Variants in REPS2 observed in about 807,000 individuals in gnomAD.
REPS2 encodes ralBP1-associated Eps domain-containing protein 2.
A neutral mutation model predicts 53.6 loss-of-function variants in REPS2; 23 were observed. That is an observed-to-expected ratio of 0.43 (90% CI 0.31 to 0.61). The LOEUF (loss-of-function observed/expected upper bound fraction) is 0.61. Among genes scored for constraint, REPS2 ranks in the 20% least tolerant of loss-of-function variants. The pLI, the probability that REPS2 is intolerant of heterozygous loss-of-function variation, is 0.11. For synonymous variants in REPS2, 238 were observed against 218.6 expected, an observed-to-expected ratio of 1.09 and a Z score of -0.78; for missense variants, 446 against 534.9, an observed-to-expected ratio of 0.83 and a Z score of 1.64.
intron 9 of REPS2, among the ~76,000 whole-genome samples, chrX:17,063,923 TACACACACACACACAC>T (rs3842475): frequency 1.0e-5 from 1 of 100,341 alleles, no homozygotes; most frequent in Admixed American, 1.1e-4. Context: ...GTTTTACTGT[TACACACACACACACAC>T]ACACACACAC....
chrX:17,163,499 GT>G, the REPS2 span, among the ~76,000 whole-genome samples: 1 of 111,525 alleles, frequency 9.0e-6, no homozygotes. Flanking sequence ...TGAATTCCAA[GT>G]TGGAAAAACT....
chrX:16,952,222 C>T (rs1055323019), intron 1 of REPS2, among the ~76,000 whole-genome samples: 9 of 111,290 alleles, frequency 8.1e-5, no homozygotes, highest in Non-Finnish European at 3.8e-5. Flanking sequence ...TGCTATCTCT[C>T]CCCTAGCCCT....
intron 16 of REPS2, chrX:17,136,800 T>G (rs2063373545): frequency 8.9e-6 from 1 of 111,744 alleles, no homozygotes; most frequent in African/African-American, 3.3e-5. Context: ...CCCCATTCTC[T>G]CCTTCCCCCT....
intron 2 of REPS2, among the ~76,000 whole-genome samples, chrX:17,011,764 C>A (rs969330562): frequency 9.1e-6 from 1 of 110,356 alleles, no homozygotes; most frequent in Non-Finnish European, 1.9e-5. Flanking sequence ...AAGTTCGAGA[C>A]CAGCCTGGCC....
chrX:17,038,693 C>T (rs1602756840), intron 5 of REPS2, among the ~76,000 whole-genome samples: 2 of 112,213 alleles, frequency 1.8e-5, no homozygotes, highest in Admixed American at 1.9e-4. Context: ...AGTGCTGGGA[C>T]TTATGCTGAC....
At chrX:17,019,862 A>G (rs1432998453) in intron 2 of REPS2, among the ~76,000 whole-genome samples, 1 of 112,113 alleles carries the variant, frequency 8.9e-6, no homozygotes, top group Non-Finnish European at 1.9e-5. Flanking sequence ...CTGAAAATTT[A>G]CAAACTACTT....
intron 1 of REPS2, among the ~76,000 whole-genome samples, chrX:16,974,085 C>G (rs2060926577): frequency 9.0e-6 from 1 of 111,456 alleles, no homozygotes; most frequent in African/African-American, 3.3e-5. Context: ...TGTACATAAG[C>G]ACACTGTTAT....
In REPS2 at chrX:17,149,712, A is replaced by T. The variant is rs900726809; in HGVS notation, c.*2231A>T. On this transcript the variant is annotated 3_prime_UTR_variant, in exon 18 of 18. Transcript: ENST00000357277. The stretch of plus-strand genomic sequence containing the variant: ...TTTATCTCATAATCTTCCAGTACAT[A>T]TGCTCTCAGTTGGGATAGCAGTTCA... 1.8e-5 allele frequency: 2 copies of T among 112,332 alleles called. No individual in the cohort carries two copies. Among genetic ancestry groups the T allele is most frequent in the Non-Finnish European group, 3.8e-5 (2 of 53,314 alleles). 9.3% of individuals were successfully genotyped at this position (112,332 alleles called of 1,213,427 possible). A position where few individuals can be genotyped will look rare whatever the true frequency, so the allele number is the denominator to read the frequency against.
chrX:17,108,299 G>A (rs919480135), intron 14 of REPS2, among the ~76,000 whole-genome samples: 1 of 109,097 alleles, frequency 9.2e-6, no homozygotes, highest in Non-Finnish European at 1.9e-5. Context: ...TCAGCCTTCC[G>A]AGTAGCTGGG....
At chrX:17,126,250 C>T (rs760654961) in intron 14 of REPS2, among the ~76,000 whole-genome samples, 4 of 111,286 alleles carry the variant, frequency 3.6e-5, no homozygotes, top group Non-Finnish European at 7.5e-5. Context: ...CTCATTCTCA[C>T]CCTGTCTCCA....
At chrX:16,952,729 C>G (rs2060529028) in intron 1 of REPS2, among the ~76,000 whole-genome samples, 1 of 112,138 alleles carries the variant, frequency 8.9e-6, no homozygotes, top group Admixed American at 9.5e-5. Context: ...TTAGGCAGAA[C>G]TATTTTTTAA....
At chrX:17,054,572 G>C (rs757738884) in intron 7 of REPS2, among the ~76,000 whole-genome samples, 1 of 111,877 alleles carries the variant, frequency 8.9e-6, no homozygotes, top group Non-Finnish European at 1.9e-5. Context: ...ACACCAACTA[G>C]GGAACCTGAA....
rs747090540 is a variant in REPS2, at chrX:17,135,331, A to G, written c.1733A>G (p.Glu578Gly). Residue 578 changes from glutamate (E) to glycine (G), a missense_variant, in exon 16 of 18, where the codon GAA becomes GGA. Physicochemically the swap from Glu to Gly is moderately conservative, Grantham distance 98. Transcript: ENST00000357277. ...TTCAGACCAGAAAACCAAGCTACAG[A>G]AAACCAAGAGCCTTCCACTGCTGCA... The part of the protein sequence containing the change: ...RKFRPENQAT[E>G]NQEPSTAASG... 2 of 1,212,063 alleles carry G rather than the reference A, an allele frequency of 1.7e-6. No individual in the cohort carries two copies. Among genetic ancestry groups the G allele is most frequent in the South Asian group, 1.8e-5 (1 of 56,975 alleles).
At chrX:17,190,415 G>A in the REPS2 span, among the ~76,000 whole-genome samples, 3 of 112,179 alleles carry the variant, frequency 2.7e-5, no homozygotes, top group Middle Eastern at 4.2e-3. Flanking sequence ...GTCTAACAAC[G>A]TATGTGTAGG....
chrX:17,069,265 T>G (rs1250986969), intron 10 of REPS2, among the ~76,000 whole-genome samples: 2 of 112,066 alleles, frequency 1.8e-5, no homozygotes, highest in Non-Finnish European at 3.8e-5. Flanking sequence ...AGATTTTTTC[T>G]AAGCCTCAAG....
rs774224590 is a variant in REPS2 at position 17,070,007 on chromosome X, A to G, written c.1333+14A>G. On this transcript the variant is annotated intron_variant, in intron 11 of 17. Transcript: ENST00000357277. ...CTGAGGATCCAGGTAGGAGAAAACCATTTTTGTATACTTTATATATAATTA... is the reference window on the plus strand; with the variant it reads ...CTGAGGATCCAGGTAGGAGAAAACCGTTTTTGTATACTTTATATATAATTA... The G allele has an allele frequency of 2.8e-5, 27 of 964,656 alleles. No individual in the cohort carries two copies. The Admixed American group carries it at 8.1e-4, about 29-fold the overall frequency. The allele number at this position is 964,656 out of a possible 1,213,427, so 79.5% of individuals were successfully genotyped here.
intron 1 of REPS2, among the ~76,000 whole-genome samples, chrX:17,005,452 C>T (rs1056464033): frequency 8.9e-6 from 1 of 111,856 alleles, no homozygotes; most frequent in African/African-American, 3.3e-5. Context: ...GCTTGTTTCA[C>T]CCATGTGCCC....
the REPS2 span, among the ~76,000 whole-genome samples, chrX:17,179,812 C>A: frequency 9.0e-6 from 1 of 110,934 alleles, no homozygotes; most frequent in Non-Finnish European, 1.9e-5. Context: ...GGGAAAAAAA[C>A]CCTTGAAGCA....
chrX:17,157,181 T>A (rs2063620460), downstream of REPS2, among the ~76,000 whole-genome samples: 2 of 111,767 alleles, frequency 1.8e-5, no homozygotes, highest in Admixed American at 9.5e-5. Context: ...ATTTATTTTT[T>A]AAAAAATTTC....
Sources: gnomAD v4.1 joint callset for allele counts (sites outside exome capture counted in the v4.1 genomes callset) on GRCh38, gnomAD v4.1.1 for gene constraint, MANE v1.5 for transcripts, NCBI Gene and HGNC (gene_info 2026-07-23, HGNC 2026-07-21) for gene names.